Variants in C1D observed in about 807,000 individuals in gnomAD.
The protein encoded by C1D is C1D nuclear receptor corepressor.
Under a neutral mutation model 17.5 loss-of-function variants are expected in C1D, and 10 were observed. The ratio of observed to expected loss-of-function variants is 0.57; its 90% CI spans 0.35 to 0.97. The LOEUF (loss-of-function observed/expected upper bound fraction) is 0.97. C1D is among the 50% of genes least tolerant of loss of function. C1D has a pLI of 0.01. For missense variants in C1D, 136 were observed against 160.1 expected (o/e 0.85, Z 0.81); for synonymous variants, 49 against 54.0 (o/e 0.91, Z 0.40).
In C1D at chr2:68,042,828, C is replaced by CCGGGGG; in HGVS notation, c.*60_*61insCCCCCG. 1 of 205,426 alleles carries CCGGGGG rather than the reference C, an allele frequency of 4.9e-6. No homozygotes were observed. Among genetic ancestry groups the CCGGGGG allele is most frequent in the South Asian group, 4.3e-5 (1 of 23,156 alleles). The allele number at this position is 205,426 out of a possible 1,614,324, so 12.7% of individuals were successfully genotyped here. A position where few individuals can be genotyped will look rare whatever the true frequency, so the allele number is the denominator to read the frequency against. On this transcript the variant is annotated 3_prime_UTR_variant, in exon 5 of 5. Coordinates refer to ENST00000410067, the MANE Select transcript of C1D (RefSeq NM_173177.3). ...CTTGCCCTGCCACAGAATTATTTTG[C>CCGGGGG]GGGGGGGGGGGGGGGGGGGAAGATG...
intron 1 of C1D, among the ~76,000 whole-genome samples, chr2:68,049,385 T>C (rs1474932837): frequency 1.3e-5 from 2 of 152,162 alleles, no homozygotes; most frequent in South Asian, 4.1e-4. Context: ...TAGATAAAGG[T>C]ATAAGTATAG....
Position 68,046,056 on chromosome 2 carries a change from A to T in C1D, c.206-13T>A. The T allele has an allele frequency of 6.5e-7, 1 of 1,542,672 alleles. No individual in the cohort carries two copies. The highest frequency in any genetic ancestry group is 8.8e-7 in the Non-Finnish European group (1 of 1,131,002). On this transcript the variant is annotated splice_polypyrimidine_tract_variant and intron_variant, in intron 3 of 4. Coordinates refer to ENST00000410067, the MANE Select transcript of C1D (RefSeq NM_173177.3). ...GTTGCCAAATAAACTACAAGAGAAA[A>T]ATTTCATGGAATAAAATGGTGAATG... is the stretch of plus-strand genomic sequence containing the variant.
At position 68,062,612 on chromosome 2, in the gene C1D, A is replaced by C. The variant is rs1336653657; in HGVS notation, c.-10+346T>G. 2.6e-5 allele frequency among the ~76,000 whole-genome samples: 4 copies of C among 152,230 alleles called. No individual in the cohort carries two copies. In the East Asian group the frequency reaches 7.7e-4, roughly 29 times the overall value. ...GATTGAAAACAGCTGAAAATTGTGAAGACTTCAATGTTTTTTGATTTTTGT... is the reference window on the plus strand; with the variant it reads ...GATTGAAAACAGCTGAAAATTGTGACGACTTCAATGTTTTTTGATTTTTGT... On this transcript the variant is annotated intron_variant, in intron 1 of 4. Transcript: ENST00000410067.
intron 1 of C1D, chr2:68,053,095 T>C (rs780440344): frequency 2.6e-5 from 41 of 1,550,728 alleles, no homozygotes; most frequent in South Asian, 3.6e-5. Context: ...CGGGGTTCTA[T>C]AGGTACTCCT....
chr2:68,047,101 C>G, intron 2 of C1D, 72 bp downstream of exon 2: 2 of 1,387,866 alleles, frequency 1.4e-6, no homozygotes, highest in East Asian at 4.8e-5. Flanking sequence ...TCTGTTTCTT[C>G]TTCCACATGT....
At chr2:68,044,648 C>G (rs1439388075) in intron 4 of C1D, among the ~76,000 whole-genome samples, 1 of 151,804 alleles carries the variant, frequency 6.6e-6, no homozygotes, top group Non-Finnish European at 1.5e-5. Flanking sequence ...GTGGAGCTTG[C>G]AGTGAGCCAA....
Position 68,042,838 on chromosome 2 carries a change from G to GGA in C1D, c.*50_*51insTC. 2.6e-6 allele frequency: 1 copy of GGA among 377,420 alleles called. No individual in the cohort carries two copies. The highest frequency in any genetic ancestry group is 4.5e-6 in the Non-Finnish European group (1 of 224,574). 23.4% of individuals were successfully genotyped at this position (377,420 alleles called of 1,614,324 possible). On this transcript the variant is annotated 3_prime_UTR_variant, in exon 5 of 5. Transcript: ENST00000410067. ...CACAGAATTATTTTGCGGGGGGGGG[G>GGA]GGGGGGGGGAAGATGTACTTTTTGA...
intron 3 of C1D, 97 bp downstream of exon 3, chr2:68,046,247 G>T: frequency 1.0e-6 from 1 of 995,626 alleles, no homozygotes; most frequent in Non-Finnish European, 1.6e-6. Context: ...GTGTTATAAA[G>T]TATAATTGTA....
intron 1 of C1D, among the ~76,000 whole-genome samples, 174 bp downstream of exon 1, chr2:68,062,784 T>G (rs1006635864): frequency 6.6e-6 from 1 of 152,120 alleles, no homozygotes; most frequent in African/African-American, 2.4e-5. Context: ...GTGGGGGACC[T>G]GCCAACAATG....
chr2:68,044,581 G>C (rs892170804), intron 4 of C1D, among the ~76,000 whole-genome samples: 2 of 152,118 alleles, frequency 1.3e-5, no homozygotes, highest in Non-Finnish European at 2.9e-5. Context: ...GGTGGCAGGC[G>C]CCTGTAATTC....
Position 68,047,647 on chromosome 2 carries a change from C to T in C1D, c.-9-328G>A, listed in dbSNP as rs74447005. On this transcript the variant is annotated intron_variant, in intron 1 of 4. Coordinates refer to ENST00000410067, the MANE Select transcript of C1D (RefSeq NM_173177.3). Reference sequence around the variant, plus strand: ...TGCAATCACCACTCACTGCAACTTCCGCCTGCTGGGCCCAAGCGATCCTCC... The same window carrying T: ...TGCAATCACCACTCACTGCAACTTCTGCCTGCTGGGCCCAAGCGATCCTCC... Among the ~76,000 whole-genome samples, 1,369 of 152,264 alleles carry T rather than the reference C, an allele frequency of 9.0e-3. 29 individuals are homozygous for T. The highest frequency in any genetic ancestry group is 0.032 in the African/African-American group (1,310 of 41,548).
chr2:68,061,937 T>A (rs1246505471), intron 1 of C1D, among the ~76,000 whole-genome samples: 1 of 152,250 alleles, frequency 6.6e-6, no homozygotes, highest in East Asian at 1.9e-4. Context: ...CTTGTCACTA[T>A]CTTTCAACAA....
chr2:68,047,870 G>C (rs1327804192), intron 1 of C1D, among the ~76,000 whole-genome samples: 1 of 152,140 alleles, frequency 6.6e-6, no homozygotes, highest in East Asian at 1.9e-4. Context: ...ATCCCCTAAT[G>C]ATTGCTGAAG....
intron 1 of C1D, among the ~76,000 whole-genome samples, chr2:68,058,603 G>C (rs1478282389): frequency 6.6e-6 from 1 of 152,160 alleles, no homozygotes; most frequent in Non-Finnish European, 1.5e-5. Flanking sequence ...AACTCAAATC[G>C]AATGGAGGAG....
At chr2:68,057,598 GA>G (rs1189396818) in intron 1 of C1D, among the ~76,000 whole-genome samples, 1 of 152,094 alleles carries the variant, frequency 6.6e-6, no homozygotes, top group East Asian at 1.9e-4. Context: ...AGAAAGTGAG[GA>G]AGTACATTTT....
chr2:68,053,069 G>A (rs1438611098), intron 1 of C1D: 2 of 1,550,600 alleles, frequency 1.3e-6, no homozygotes, highest in Admixed American at 2.0e-5. Context: ...ACCCAGCTCT[G>A]CTCCTCACCC....
chr2:68,060,649 G>A (rs1180297698), intron 1 of C1D, among the ~76,000 whole-genome samples: 1 of 151,818 alleles, frequency 6.6e-6, no homozygotes, highest in Admixed American at 6.6e-5. Flanking sequence ...AAAGAAAAGA[G>A]GGGCGAGATG....
intron 1 of C1D, among the ~76,000 whole-genome samples, chr2:68,057,237 C>T (rs1400147199): frequency 6.6e-6 from 1 of 152,130 alleles, no homozygotes. Context: ...ACTGCAACCT[C>T]CCCTACTGGG....
In C1D at chr2:68,053,087, G is replaced by C. The variant is rs1354448056; in HGVS notation, c.-9-5768C>G. 3 of 1,550,702 alleles carry C rather than the reference G, an allele frequency of 1.9e-6. No individual in the cohort carries two copies. The Admixed American group carries it at 5.9e-5, about 30-fold the overall frequency. ...CAGCTCTGCTCCTCACCCTCCTCCG[G>C]GGTTCTATAGGTACTCCTTGCCCTT... On this transcript the variant is annotated intron_variant, in intron 1 of 4. Coordinates refer to ENST00000410067, the MANE Select transcript of C1D (RefSeq NM_173177.3).
Sources: allele counts gnomAD v4.1 joint callset (sites outside exome capture counted in the v4.1 genomes callset), GRCh38; gene constraint gnomAD v4.1.1; transcripts MANE v1.5; gene names NCBI Gene and HGNC (gene_info 2026-07-23, HGNC 2026-07-21).